ANKRD12: variants seen among roughly 807,000 people sequenced by gnomAD.
The protein encoded by ANKRD12 is ankyrin repeat domain 12.
A neutral mutation model predicts 183.4 loss-of-function variants in ANKRD12; 85 were observed. That is an observed-to-expected ratio of 0.46 (90% CI 0.39 to 0.56). The LOEUF is 0.56. ANKRD12 is among the 20% of genes least tolerant of loss of function. ANKRD12 has a pLI of 0.00. For missense variants in ANKRD12, 2,405 were observed against 2,357.1 expected, an observed-to-expected ratio of 1.02 and a Z score of -0.42; for synonymous variants, 914 against 800.2, an observed-to-expected ratio of 1.14 and a Z score of -2.40.
chr18:9,202,756 A>G (rs2035249656), intron 3 of ANKRD12, among the ~76,000 whole-genome samples: 1 of 152,142 alleles, frequency 6.6e-6, no homozygotes, highest in South Asian at 2.1e-4. Flanking sequence ...GCATAAAAGG[A>G]AGTAGTTGAG....
intron 8 of ANKRD12, among the ~76,000 whole-genome samples, chr18:9,252,891 T>C (rs990398124): frequency 6.6e-6 from 1 of 152,224 alleles, no homozygotes; most frequent in Non-Finnish European, 1.5e-5. Flanking sequence ...AGTTTTGGAT[T>C]AAAGGATCTT....
rs756217370 is a variant in ANKRD12 at position 9,221,969 on chromosome 18, C to A, written c.913C>A (p.Pro305Thr). ...ELELLLKREV[P>T]LSDDDESYTD... The stretch of plus-strand genomic sequence containing the variant: ...GGAGTTGCTACTAAAAAGAGAGGTG[C>A]CTTTATCTGATGATGATGAAAGTTA... Residue 305 changes from proline to threonine, a missense_variant, in exon 8 of 13, where the codon CCT becomes ACT. This residue lies in a region of ANKRD12 where 1,983 missense variants were observed against 1,725.9 expected (regional missense o/e 1.15). Transcript: ENST00000262126. 6.2e-7 allele frequency: 1 copy of A among 1,613,524 alleles called. No homozygotes were observed. The highest frequency in any genetic ancestry group is 1.3e-5 in the African/African-American group (1 of 74,922).
chr18:9,240,992 T>C (rs925934825), intron 8 of ANKRD12, among the ~76,000 whole-genome samples: 2 of 152,168 alleles, frequency 1.3e-5, no homozygotes, highest in African/African-American at 4.8e-5. Flanking sequence ...AAAATACAAC[T>C]GTTGGTACTT....
chr18:9,201,954 A>G (rs1598540281), intron 3 of ANKRD12, among the ~76,000 whole-genome samples: 1 of 151,542 alleles, frequency 6.6e-6, no homozygotes, highest in East Asian at 1.9e-4. Context: ...CAGCCTCCTC[A>G]ATAGCTGGGA....
intron 1 of ANKRD12, among the ~76,000 whole-genome samples, chr18:9,179,249 T>C (rs9948560): frequency 0.52 from 79,631 of 151,886 alleles, 23,366 homozygotes; most frequent in South Asian, 0.75. Flanking sequence ...CCAAGTTGTA[T>C]GCCTTTTTTT....
At chr18:9,170,213 G>A (rs1238874751) in intron 1 of ANKRD12, among the ~76,000 whole-genome samples, 1 of 152,150 alleles carries the variant, frequency 6.6e-6, no homozygotes, top group Non-Finnish European at 1.5e-5. Flanking sequence ...TTCTCGAGGA[G>A]TATCTTTGTG....
chr18:9,181,262 G>T (rs915949725), intron 1 of ANKRD12, among the ~76,000 whole-genome samples: 1 of 152,026 alleles, frequency 6.6e-6, no homozygotes, highest in African/African-American at 2.4e-5. Context: ...TTACAAATTA[G>T]CTCAGTTTAT....
At chr18:9,214,563 TTAG>T (rs2035988131) in intron 6 of ANKRD12, among the ~76,000 whole-genome samples, 1 of 152,148 alleles carries the variant, frequency 6.6e-6, no homozygotes, top group South Asian at 2.1e-4. Context: ...TTCATCGTGT[TTAG>T]TAGAATACTG....
intron 1 of ANKRD12, among the ~76,000 whole-genome samples, chr18:9,157,540 GGTGTGTGTGGGT>G (rs2030677735): frequency 1.6e-5 from 2 of 124,512 alleles, no homozygotes; most frequent in Non-Finnish European, 3.2e-5. Context: ...TAAATTTTAT[GGTGTGTGTGGGT>G]GTGTGTGTGT....
chr18:9,167,623 A>G (rs2032220361), intron 1 of ANKRD12, among the ~76,000 whole-genome samples: 1 of 152,200 alleles, frequency 6.6e-6, no homozygotes, highest in South Asian at 2.1e-4. Context: ...TTGGGCTGAG[A>G]CGATGGGGTT....
At chr18:9,266,586 A>G (rs2145348581) in intron 10 of ANKRD12, among the ~76,000 whole-genome samples, 1 of 152,354 alleles carries the variant, frequency 6.6e-6, no homozygotes, top group East Asian at 1.9e-4. Flanking sequence ...TGTCACTACC[A>G]GGCCTGCCCT....
At chr18:9,234,348 G>C (rs2144907874) in intron 8 of ANKRD12, among the ~76,000 whole-genome samples, 2 of 152,244 alleles carry the variant, frequency 1.3e-5, no homozygotes, top group South Asian at 4.1e-4. Context: ...GGGGCGACGG[G>C]GGATCTCTCT....
At chr18:9,180,319 T>G (rs2033613299) in intron 1 of ANKRD12, among the ~76,000 whole-genome samples, 1 of 152,188 alleles carries the variant, frequency 6.6e-6, no homozygotes, top group Non-Finnish European at 1.5e-5. Context: ...CATGGGTTCT[T>G]TTTCCATTCT....
At position 9,258,393 on chromosome 18, in the gene ANKRD12, A is replaced by C; in HGVS notation, c.5126A>C (p.Lys1709Thr). The C allele has an allele frequency of 6.2e-7, 1 of 1,613,830 alleles. No individual in the cohort carries two copies. Among genetic ancestry groups the C allele is most frequent in the Non-Finnish European group, 8.5e-7 (1 of 1,179,948 alleles). The stretch of plus-strand genomic sequence containing the variant: ...CAGTCAACTCAACCAGAAATGCATA[A>C]ATATGGTCAGTTAGTTAAAGTAGAA... ...SQQSTQPEMH[K>T]YGQLVKVELE... Residue 1709 changes from lysine (K) to threonine (T), a missense_variant, in exon 9 of 13, where the codon AAA becomes ACA. Coordinates refer to ENST00000262126, the MANE Select transcript of ANKRD12 (RefSeq NM_015208.5).
chr18:9,255,187 G>A lies in ANKRD12; in HGVS notation c.1920G>A (p.Leu640=), dbSNP rs1266756017. 3 of 1,570,802 alleles carry A rather than the reference G, an allele frequency of 1.9e-6. No homozygotes were observed. The highest frequency in any genetic ancestry group is 1.4e-5 in the African/African-American group (1 of 71,922). ...SPTFENSDCT[L]KKMDKEGKTL... is the part of the protein sequence containing the mutation. Reference sequence around the variant, plus strand: ...CATTTGAAAATTCAGATTGCACACTGAAAAAAATGGATAAAGAAGGTAAAA... The same window carrying A: ...CATTTGAAAATTCAGATTGCACACTAAAAAAAATGGATAAAGAAGGTAAAA... Residue 640 remains leucine (L), a synonymous_variant, in exon 9 of 13, where the codon CTG becomes CTA. Coordinates refer to ENST00000262126, the MANE Select transcript of ANKRD12 (RefSeq NM_015208.5).
At chr18:9,142,040 G>GC (rs1374810454) in intron 1 of ANKRD12, among the ~76,000 whole-genome samples, 4 of 152,058 alleles carry the variant, frequency 2.6e-5, no homozygotes, top group Non-Finnish European at 5.9e-5. Context: ...GGGATTACAG[G>GC]TCTTAGCCAC....
intron 10 of ANKRD12, among the ~76,000 whole-genome samples, chr18:9,274,775 A>G (rs1390305612): frequency 6.6e-6 from 1 of 152,226 alleles, no homozygotes; most frequent in Non-Finnish European, 1.5e-5. Flanking sequence ...TCTCAAGCCT[A>G]CTGTGAAGAA....
At chr18:9,181,135 T>C (rs952380610) in intron 1 of ANKRD12, among the ~76,000 whole-genome samples, 3 of 152,344 alleles carry the variant, frequency 2.0e-5, no homozygotes, top group South Asian at 2.1e-4. Flanking sequence ...TCTTAATTTC[T>C]TCAAATTTGT....
intron 2 of ANKRD12, 34 bp downstream of exon 2, chr18:9,182,553 T>A (rs778292198): frequency 6.8e-5 from 97 of 1,425,654 alleles, no homozygotes; most frequent in Non-Finnish European, 8.2e-5. Context: ...GTTGACTTTT[T>A]GAACTGGGAA....
Sources: allele counts gnomAD v4.1 joint callset (sites outside exome capture counted in the v4.1 genomes callset), GRCh38; gene constraint gnomAD v4.1.1; regional missense constraint gnomAD v4.1.1; transcripts MANE v1.5; gene names NCBI Gene and HGNC (gene_info 2026-07-23, HGNC 2026-07-21).